MYO10: variants seen among roughly 807,000 people sequenced by gnomAD.
MYO10 encodes myosin X.
MYO10 carries 133 observed loss-of-function variants against 257.3 expected under a neutral mutation model. That is an observed-to-expected ratio of 0.52 (90% CI 0.45 to 0.60). The LOEUF is 0.60. Among genes scored for constraint, MYO10 ranks in the 20% least tolerant of loss-of-function variants. MYO10 has a pLI of 0.00. For missense variants in MYO10, 2,399 were observed against 2,635.7 expected (o/e 0.91, Z 1.97); for synonymous variants, 1,104 against 1,028.6 (o/e 1.07, Z -1.40).
At chr5:16,669,080 G>T (rs973406271) in intron 39 of MYO10, among the ~76,000 whole-genome samples, 1 of 152,158 alleles carries the variant, frequency 6.6e-6, no homozygotes, top group East Asian at 1.9e-4. Flanking sequence ...CATATGAAGG[G>T]GCTAACAACA....
At chr5:16,895,867 C>A (rs1157922733) in intron 1 of MYO10, among the ~76,000 whole-genome samples, 1 of 151,842 alleles carries the variant, frequency 6.6e-6, no homozygotes, top group African/African-American at 2.4e-5. Flanking sequence ...AATAAACTTG[C>A]AAAACCCCCA....
intron 2 of MYO10, among the ~76,000 whole-genome samples, chr5:16,874,014 G>A (rs1241434318): frequency 6.6e-6 from 1 of 152,134 alleles, no homozygotes; most frequent in African/African-American, 2.4e-5. Context: ...GCAAATTTCT[G>A]CAGCCAGCTT....
At chr5:16,904,248 A>G (rs529659626) in intron 1 of MYO10, among the ~76,000 whole-genome samples, 2 of 152,220 alleles carry the variant, frequency 1.3e-5, no homozygotes, top group South Asian at 4.2e-4. Flanking sequence ...GACCCTTCCC[A>G]CACACCTAGC....
At chr5:16,715,392 ATTTTT>A (rs372307063) in intron 19 of MYO10, among the ~76,000 whole-genome samples, 5 of 84,342 alleles carry the variant, frequency 5.9e-5, no homozygotes, top group East Asian at 3.9e-4. Context: ...TAAGATTGAA[ATTTTT>A]TTTTTTTTTT....
At chr5:16,818,379 TGC>T (rs1454874550) in intron 2 of MYO10, among the ~76,000 whole-genome samples, 294 of 52,690 alleles carry the variant, frequency 5.6e-3, no homozygotes, top group East Asian at 0.038. Context: ...TGTGTGTGTG[TGC>T]GTGTGTGTGT....
intron 4 of MYO10, among the ~76,000 whole-genome samples, chr5:16,786,065 T>A (rs2126673568): frequency 6.6e-6 from 1 of 150,848 alleles, no homozygotes; most frequent in East Asian, 2.0e-4. Flanking sequence ...AGATGGTACA[T>A]CTCCCAAGCA....
intron 2 of MYO10, among the ~76,000 whole-genome samples, chr5:16,842,926 G>GAA (rs36097603): frequency 1.9e-4 from 24 of 125,470 alleles, no homozygotes; most frequent in African/African-American, 5.6e-4. Context: ...AAAGAAAAAG[G>GAA]AAAAAAAAAA....
chr5:16,832,515 TA>T (rs1418259824), intron 2 of MYO10, among the ~76,000 whole-genome samples: 1 of 152,176 alleles, frequency 6.6e-6, no homozygotes, highest in African/African-American at 2.4e-5. Context: ...TTAAACATAG[TA>T]AGTTTCAGTC....
intron 2 of MYO10, among the ~76,000 whole-genome samples, chr5:16,865,408 G>A (rs985394598): frequency 6.6e-6 from 1 of 152,106 alleles, no homozygotes; most frequent in African/African-American, 2.4e-5. Context: ...TAGAATCTGG[G>A]GCTGAGTCTC....
In MYO10 at chr5:16,718,046, G is replaced by A. The variant is rs1159256151; in HGVS notation, c.1930-6801C>T. ...GGGCTTGGTGGGCCCCGCACTCGGA[G>A]CAGCCAGCCAGCCCTGCTGGCCCCG... On this transcript the variant is annotated intron_variant, in intron 19 of 40. Transcript: ENST00000513610. Among the ~76,000 whole-genome samples, 3 of 152,014 alleles carry A rather than the reference G, an allele frequency of 2.0e-5. 1 individual carries two copies. The highest frequency in any genetic ancestry group is 6.5e-5 in the Admixed American group (1 of 15,284).
rs140683165 is a variant in MYO10 at position 16,738,566 on chromosome 5, G to C, written c.1929+16262C>G. Among the ~76,000 whole-genome samples the C allele has an allele frequency of 2.0e-5, 3 of 152,050 alleles. No individual in the cohort carries two copies. The East Asian group carries it at 5.8e-4, about 29-fold the overall frequency. The stretch of plus-strand genomic sequence containing the variant: ...TATCTATATAATCATTCAGCTCCCA[G>C]GGGAGGCAAGACAAAGTTAAAAAAA... On this transcript the variant is annotated intron_variant, in intron 19 of 40. Coordinates refer to ENST00000513610, the MANE Select transcript of MYO10 (RefSeq NM_012334.3).
intron 19 of MYO10, among the ~76,000 whole-genome samples, chr5:16,752,539 G>C (rs1344244584): frequency 6.6e-6 from 1 of 152,188 alleles, no homozygotes; most frequent in Non-Finnish European, 1.5e-5. Flanking sequence ...CTATCTCTCA[G>C]CCTCCCAAAG....
intron 1 of MYO10, among the ~76,000 whole-genome samples, chr5:16,904,338 T>G (rs1170891410): frequency 1.3e-5 from 2 of 152,078 alleles, no homozygotes; most frequent in Non-Finnish European, 2.9e-5. Context: ...AAGCCAGTGT[T>G]CCCTTGAGTT....
intron 3 of MYO10, among the ~76,000 whole-genome samples, chr5:16,799,808 A>G (rs1004925217): frequency 2.0e-5 from 3 of 152,100 alleles, no homozygotes; most frequent in African/African-American, 4.8e-5. Context: ...AAGGACTCTT[A>G]ACAGCGGACG....
intron 2 of MYO10, among the ~76,000 whole-genome samples, chr5:16,872,552 AAAGTT>A (rs1199052351): frequency 1.3e-5 from 2 of 152,228 alleles, no homozygotes; most frequent in Non-Finnish European, 2.9e-5. Flanking sequence ...AAAAAAGAAA[AAAGTT>A]AAAAGACTAA....
chr5:16,700,920 A>G (rs2126548568), intron 25 of MYO10, 43 bp downstream of exon 25: 1 of 1,502,452 alleles, frequency 6.7e-7, no homozygotes, highest in Non-Finnish European at 8.9e-7. Context: ...GGTGGGTGTG[A>G]CCGGCCACCC....
chr5:16,676,144 A>C lies in MYO10; in HGVS notation c.4553T>G (p.Leu1518Arg), dbSNP rs557281540. The C allele has an allele frequency of 2.9e-5, 46 of 1,612,606 alleles. No individual in the cohort carries two copies. In the South Asian group the frequency reaches 5.1e-4, roughly 18 times the overall value. ...AATCTGTTCCACCACATCCGAGTTCAGGCAGTTCTCCTAAAAATAAAGCAA... is the reference window on the plus strand; with the variant it reads ...AATCTGTTCCACCACATCCGAGTTCCGGCAGTTCTCCTAAAAATAAAGCAA... The part of the protein sequence containing the change: ...QLIQDIKENC[L>R]NSDVVEQIYK... Residue 1518 changes from leucine to arginine, a missense_variant, in exon 34 of 41, where the codon CTG becomes CGG. Physicochemically the swap from Leu to Arg is moderately radical, Grantham distance 102. Transcript: ENST00000513610.
intron 9 of MYO10, among the ~76,000 whole-genome samples, chr5:16,777,839 C>CTATTCTT (rs1391555719): frequency 9.0e-5 from 8 of 88,482 alleles, no homozygotes; most frequent in African/African-American, 4.3e-4. Flanking sequence ...TTGCATCTAA[C>CTATTCTT]TTTTTTTTTT....
chr5:16,805,337 C>T (rs1227743993), intron 3 of MYO10, among the ~76,000 whole-genome samples: 1 of 151,586 alleles, frequency 6.6e-6, no homozygotes, highest in Non-Finnish European at 1.5e-5. Flanking sequence ...TGGCGGATGC[C>T]TGTAATCCCA....
Sources: gnomAD v4.1 joint callset for allele counts (sites outside exome capture counted in the v4.1 genomes callset) on GRCh38, gnomAD v4.1.1 for gene constraint, MANE v1.5 for transcripts, NCBI Gene and HGNC (gene_info 2026-07-23, HGNC 2026-07-21) for gene names.